The following PANK2 variants were observed in gnomAD, a reference collection of about 807,000 sequenced individuals.
The protein encoded by PANK2 is pantothenate kinase 2, mitochondrial.
A neutral mutation model predicts 43.1 loss-of-function variants in PANK2; 36 were observed. That is an observed-to-expected ratio of 0.84 (90% CI 0.64 to 1.10). The LOEUF (loss-of-function observed/expected upper bound fraction) is 1.10. PANK2 is among the 50% of genes least tolerant of loss of function. PANK2 has a pLI of 0.00. For missense variants in PANK2, 576 were observed against 593.3 expected, an observed-to-expected ratio of 0.97 and a Z score of 0.30; for synonymous variants, 281 against 238.2, an observed-to-expected ratio of 1.18 and a Z score of -1.66.
intron 1 of PANK2, among the ~76,000 whole-genome samples, chr20:3,902,328 T>A (rs1052715284): frequency 4.6e-5 from 7 of 151,600 alleles, no homozygotes; most frequent in Admixed American, 3.3e-4. Flanking sequence ...CTGGCTAATT[T>A]TTTATTTATT....
intron 1 of PANK2, among the ~76,000 whole-genome samples, chr20:3,893,773 C>T (rs1457130423): frequency 6.6e-6 from 1 of 152,046 alleles, no homozygotes; most frequent in East Asian, 1.9e-4. Flanking sequence ...GGAACTGGAG[C>T]CGGGGCCCTG....
At position 3,917,295 on chromosome 20, in the gene PANK2, T is replaced by C. The variant is rs187693524; in HGVS notation, c.1206+245T>C. On this transcript the variant is annotated intron_variant, in intron 5 of 6. Transcript: ENST00000610179. The stretch of plus-strand genomic sequence containing the variant: ...TTTTGAGGAGAAAGTAGAGGAAGAG[T>C]GGAAGGTAGCCAGTGTTCCAGATAT... 1.6e-3 allele frequency among the ~76,000 whole-genome samples: 240 copies of C among 149,600 alleles called. 1 individual carries two copies. Among genetic ancestry groups the C allele is most frequent in the African/African-American group, 5.7e-3 (230 of 40,586 alleles).
At chr20:3,897,650 T>G (rs1233289960) in intron 1 of PANK2, among the ~76,000 whole-genome samples, 1 of 151,632 alleles carries the variant, frequency 6.6e-6, no homozygotes, top group Non-Finnish European at 1.5e-5. Context: ...CTGAACCTGG[T>G]GATTGTACCA....
At chr20:3,889,044 T>A, upstream of PANK2, 1 of 1,400,402 alleles carries the variant, frequency 7.1e-7, no homozygotes, top group Non-Finnish European at 9.5e-7. Flanking sequence ...CCCAGGAGAG[T>A]TCCGCGGCCC....
upstream of PANK2, chr20:3,889,139 G>T (rs2090064190): frequency 6.4e-7 from 1 of 1,567,396 alleles, no homozygotes; most frequent in Non-Finnish European, 8.7e-7. Flanking sequence ...GCGTCCATTG[G>T]GCGGCGCCGC....
At chr20:3,897,534 C>T (rs1387254813) in intron 1 of PANK2, among the ~76,000 whole-genome samples, 2 of 151,516 alleles carry the variant, frequency 1.3e-5, no homozygotes, top group African/African-American at 2.4e-5. Flanking sequence ...AACCTCGTCT[C>T]TACAAAAAAT....
At position 3,910,691 on chromosome 20, in the gene PANK2, C is replaced by A. The variant is rs777624606; in HGVS notation, c.766C>A (p.Pro256Thr). The change falls in exon 3 of 7, where the codon CCT (proline) becomes ACT (threonine). Residue 256 changes from proline (P) to threonine (T), a missense_variant. Around this residue, in one of 2 missense-constraint regions of PANK2, gnomAD observed 544 missense variants for 528.9 expected, o/e 1.03. Transcript: ENST00000610179. ...GTCACAGTGCTATTACTTTGAAAAC[C>A]CTGCTGATTCTGAAAAGTGTCAGAA... The A allele has an allele frequency of 1.2e-6, 2 of 1,614,108 alleles. No individual in the cohort carries two copies. The highest frequency in any genetic ancestry group is 8.5e-7 in the Non-Finnish European group (1 of 1,180,020).
intron 1 of PANK2, chr20:3,901,727 A>G (rs2146841826): frequency 2.3e-6 from 1 of 429,370 alleles, no homozygotes; most frequent in African/African-American, 2.1e-5. Context: ...GGATGTTTTA[A>G]AATTATGGCA....
At chr20:3,893,346 T>G (rs2090153868) in intron 1 of PANK2, among the ~76,000 whole-genome samples, 1 of 152,204 alleles carries the variant, frequency 6.6e-6, no homozygotes, top group Non-Finnish European at 1.5e-5. Context: ...TCCCTCAACC[T>G]ACCATTGCAT....
intron 5 of PANK2, among the ~76,000 whole-genome samples, chr20:3,918,130 T>G (rs1159492756): frequency 1.3e-5 from 2 of 152,240 alleles, no homozygotes; most frequent in African/African-American, 4.8e-5. Flanking sequence ...TCATGATGCT[T>G]TGCACAAGGG....
chr20:3,915,182 T>C (rs1299262316), intron 4 of PANK2, among the ~76,000 whole-genome samples: 1 of 152,234 alleles, frequency 6.6e-6, no homozygotes, highest in Non-Finnish European at 1.5e-5. Flanking sequence ...TGGTGTTATG[T>C]GTAAGAAATC....
Position 3,892,350 on chromosome 20 carries a change from AC to A in PANK2, c.298+2623del, listed in dbSNP as rs1437091818. ...TACAGTGAGACTCCTCAAAAAAAAA[AC>A]AAAAAAAAAGGAGAAGCAGCTTGTT... On this transcript the variant is annotated intron_variant, in intron 1 of 6. Coordinates refer to ENST00000610179, the MANE Select transcript of PANK2 (RefSeq NM_001386393.1). 4.2e-3 allele frequency among the ~76,000 whole-genome samples: 613 copies of A among 145,514 alleles called. 5 individuals carry two copies. The highest frequency in any genetic ancestry group is 0.015 in the African/African-American group (592 of 40,464).
At position 3,908,053 on chromosome 20, in the gene PANK2, G is replaced by C; in HGVS notation, c.426G>C (p.Leu142=). ...GTCTTAAAAGCATTCGGAAGTACCT[G>C]ACCTCCAATGTGGCTTATGGGTCTA... The change falls in exon 2 of 7, where the codon CTG becomes CTC. Residue 142 remains leucine (L), a synonymous_variant. Transcript: ENST00000610179. 6.2e-7 allele frequency: 1 copy of C among 1,614,150 alleles called. No individual in the cohort carries two copies. Among genetic ancestry groups the C allele is most frequent in the Non-Finnish European group, 8.5e-7 (1 of 1,180,040 alleles).
intron 1 of PANK2, chr20:3,889,987 C>T (rs1385493692): frequency 2.1e-6 from 3 of 1,399,338 alleles, no homozygotes; most frequent in South Asian, 2.5e-5. Context: ...CCTGTCCTCC[C>T]TTTTCTTAGC....
At chr20:3,894,938 G>A (rs748251840) in intron 1 of PANK2, among the ~76,000 whole-genome samples, 26 of 152,172 alleles carry the variant, frequency 1.7e-4, no homozygotes, top group Non-Finnish European at 3.4e-4. Context: ...TGGTGTCCCT[G>A]CCTTCTATCT....
At position 3,927,121 on chromosome 20, in the gene PANK2, CT is replaced by C. The variant is rs757109521; in HGVS notation, c.*3829del. Reference sequence around the variant, plus strand: ...TCTGGCTGTGGTGGCCTGACACACTCTTCACCACTGACCCCACCCCCGCTTG... The same window carrying C: ...TCTGGCTGTGGTGGCCTGACACACTCTCACCACTGACCCCACCCCCGCTTG... On this transcript the variant is annotated 3_prime_UTR_variant, in exon 7 of 7. Coordinates refer to ENST00000610179, the MANE Select transcript of PANK2 (RefSeq NM_001386393.1). Among the ~76,000 whole-genome samples the C allele has an allele frequency of 3.7e-4, 57 of 152,164 alleles. No homozygotes were observed. Among genetic ancestry groups the C allele is most frequent in the Non-Finnish European group, 6.2e-4 (42 of 68,010 alleles).
rs2090776858 is a variant in PANK2, at chr20:3,929,034, A to AG, written c.*5745dup. Reference sequence around the variant, plus strand: ...CGGCAAATTTTTGTATTTTTAGTAGAGGGGGTTTCACCATATTGGTCAGGC... The same window carrying AG: ...CGGCAAATTTTTGTATTTTTAGTAGAGGGGGGTTTCACCATATTGGTCAGGC... On this transcript the variant is annotated 3_prime_UTR_variant, in exon 7 of 7. Coordinates refer to ENST00000610179, the MANE Select transcript of PANK2 (RefSeq NM_001386393.1). The AG allele has an allele frequency of 1.3e-5, 2 of 152,056 alleles. No homozygotes were observed. Among genetic ancestry groups the AG allele is most frequent in the African/African-American group, 2.4e-5 (1 of 41,454 alleles). The allele number at this position is 152,056 out of a possible 1,614,324, so 9.4% of individuals were successfully genotyped here. A position where few individuals can be genotyped will look rare whatever the true frequency, so the allele number is the denominator to read the frequency against.
At position 3,923,605 on chromosome 20, in the gene PANK2, A is replaced by AGCT. The variant is rs1447690065; in HGVS notation, c.*315_*317dup. The AGCT allele has an allele frequency of 9.0e-6, 4 of 442,082 alleles. No homozygotes were observed. Among genetic ancestry groups the AGCT allele is most frequent in the African/African-American group, 7.9e-5 (4 of 50,438 alleles). 27.4% of individuals were successfully genotyped at this position (442,082 alleles called of 1,614,324 possible). ...ACTCATTGGAAGTGCTTCTGAAGAG[A>AGCT]GCTGCTCTGTGTTCAGTTGACTGGT... On this transcript the variant is annotated 3_prime_UTR_variant, in exon 7 of 7. Transcript: ENST00000610179.
In PANK2 at chr20:3,920,030, G is replaced by A. The variant is rs377516950; in HGVS notation, c.1332+1234G>A. ...ATTACTGTATTTGTAAACCAGCACC[G>A]AATTGCCATTAAGTTTCTTACAGTT... On this transcript the variant is annotated intron_variant, in intron 6 of 6. Coordinates refer to ENST00000610179, the MANE Select transcript of PANK2 (RefSeq NM_001386393.1). Among the ~76,000 whole-genome samples, 4 of 152,034 alleles carry A rather than the reference G, an allele frequency of 2.6e-5. No homozygotes were observed. The East Asian group carries it at 5.8e-4, about 22-fold the overall frequency.
Sources: allele counts gnomAD v4.1 joint callset (sites outside exome capture counted in the v4.1 genomes callset), GRCh38; gene constraint gnomAD v4.1.1; regional missense constraint gnomAD v4.1.1; transcripts MANE v1.5; gene names NCBI Gene and HGNC (gene_info 2026-07-23, HGNC 2026-07-21).